The following LRP1B variants were observed in gnomAD, a reference collection of about 807,000 sequenced individuals.
LRP1B encodes the protein LDL receptor related protein 1B, also known as low-density lipoprotein receptor-related protein 1B.
LRP1B carries 217 observed loss-of-function variants against 556.6 expected under a neutral mutation model. The observed-to-expected ratio is 0.39, with a 90% CI of 0.35 to 0.44. The LOEUF (loss-of-function observed/expected upper bound fraction) is 0.44. Ranked by LOEUF, LRP1B falls within the 20% of genes least tolerant of loss-of-function variation. The pLI, the probability that LRP1B is intolerant of heterozygous loss-of-function variation, is 1.00. For missense variants in LRP1B, 5,053 were observed against 5,620.8 expected, an observed-to-expected ratio of 0.90 and a Z score of 3.23; for synonymous variants, 2,047 against 1,865.8, an observed-to-expected ratio of 1.10 and a Z score of -2.50.
At chr2:141,112,536 C>T (rs537111490) in intron 7 of LRP1B, among the ~76,000 whole-genome samples, 17 of 152,204 alleles carry the variant, frequency 1.1e-4, no homozygotes, top group Admixed American at 6.5e-4. Flanking sequence ...AGTTATAATG[C>T]TATCTGTACA....
intron 47 of LRP1B, among the ~76,000 whole-genome samples, chr2:140,529,792 A>G (rs1273033640): frequency 6.6e-6 from 1 of 151,932 alleles, no homozygotes; most frequent in Non-Finnish European, 1.5e-5. Flanking sequence ...CATATCATGC[A>G]CTCTTCCTGA....
chr2:141,851,766 C>T (rs924115330), intron 1 of LRP1B, among the ~76,000 whole-genome samples: 3 of 151,420 alleles, frequency 2.0e-5, no homozygotes, highest in Non-Finnish European at 3.0e-5. Flanking sequence ...AAGTGCTTTC[C>T]GCCACATGGA....
At chr2:141,687,403 T>C (rs1691352796) in intron 2 of LRP1B, among the ~76,000 whole-genome samples, 1 of 152,016 alleles carries the variant, frequency 6.6e-6, no homozygotes, top group South Asian at 2.1e-4. Flanking sequence ...GAATGAATGG[T>C]TCCAAAATTT....
chr2:142,049,518 A>G (rs543768247), intron 1 of LRP1B, among the ~76,000 whole-genome samples: 1 of 152,230 alleles, frequency 6.6e-6, no homozygotes, highest in Admixed American at 6.5e-5. Flanking sequence ...TTAACATGAA[A>G]GTATGTGCCA....
At chr2:140,537,647 A>C (rs995183469) in intron 45 of LRP1B, among the ~76,000 whole-genome samples, 2 of 152,104 alleles carry the variant, frequency 1.3e-5, no homozygotes, top group African/African-American at 2.4e-5. Context: ...AGTGGAAAGC[A>C]TGTGTACCTG....
intron 35 of LRP1B, among the ~76,000 whole-genome samples, chr2:140,757,281 G>A (rs1459427850): frequency 1.3e-5 from 2 of 152,098 alleles, no homozygotes; most frequent in Admixed American, 1.3e-4. Flanking sequence ...TACCATACCT[G>A]TCAAGTTCAC....
At chr2:140,339,843 A>T (rs1164237223) in intron 77 of LRP1B, among the ~76,000 whole-genome samples, 1 of 112,348 alleles carries the variant, frequency 8.9e-6, no homozygotes, top group East Asian at 4.3e-4. Context: ...GTACGCGATT[A>T]AAAAAAACTA....
At chr2:141,889,028 C>T (rs1281622867) in intron 1 of LRP1B, among the ~76,000 whole-genome samples, 3 of 151,978 alleles carry the variant, frequency 2.0e-5, no homozygotes, top group Non-Finnish European at 2.9e-5. Context: ...TTGGGGTACC[C>T]CAGAATAGAG....
At chr2:140,274,315 C>T (rs895567700) in intron 85 of LRP1B, 109 bp downstream of exon 85, 24 of 992,456 alleles carry the variant, frequency 2.4e-5, no homozygotes, top group African/African-American at 1.3e-4. Flanking sequence ...GGGCACAATA[C>T]GGAATTTTAG....
At chr2:140,330,417 T>C (rs1680747076) in intron 79 of LRP1B, among the ~76,000 whole-genome samples, 1 of 151,724 alleles carries the variant, frequency 6.6e-6, no homozygotes, top group African/African-American at 2.4e-5. Flanking sequence ...GAAATAAGAC[T>C]GCACATTTAC....
intron 3 of LRP1B, among the ~76,000 whole-genome samples, chr2:141,445,551 T>A (rs1252097190): frequency 6.6e-6 from 1 of 152,256 alleles, no homozygotes; most frequent in African/African-American, 2.4e-5. Flanking sequence ...CTTTCTCCTG[T>A]GGACATTTAG....
At chr2:140,817,730 TTC>T (rs1242516004) in intron 31 of LRP1B, among the ~76,000 whole-genome samples, 1 of 152,106 alleles carries the variant, frequency 6.6e-6, no homozygotes, top group East Asian at 1.9e-4. Context: ...CTCATTTGTT[TTC>T]TAAGTGGCTC....
chr2:141,748,751 G>T (rs563794578), intron 2 of LRP1B, among the ~76,000 whole-genome samples: 1 of 152,276 alleles, frequency 6.6e-6, no homozygotes, highest in Admixed American at 6.5e-5. Context: ...AAACACTCTG[G>T]CCTCTTCCAA....
intron 41 of LRP1B, among the ~76,000 whole-genome samples, chr2:140,607,457 C>A (rs542613867): frequency 1.5e-4 from 23 of 152,132 alleles, no homozygotes; most frequent in South Asian, 1.5e-3. Flanking sequence ...CACACATACA[C>A]AAATGTTCAA....
chr2:141,989,644 G>A (rs922337693), intron 1 of LRP1B, among the ~76,000 whole-genome samples: 2 of 151,940 alleles, frequency 1.3e-5, no homozygotes, highest in East Asian at 3.9e-4. Context: ...ACTGAATCAT[G>A]GGCGTGGTTT....
At position 142,130,801 on chromosome 2, in the gene LRP1B, C is replaced by T. The variant is rs528307274; in HGVS notation, c.-72G>A. ...ACCTTCGGCCCGGCGGCGGCGGCGG[C>T]GGCAGGGGCCGCTTGGAGCCTGGAA... On this transcript the variant is annotated 5_prime_UTR_variant, in exon 1 of 91. Coordinates refer to ENST00000389484, the MANE Select transcript of LRP1B (RefSeq NM_018557.3). 4.0e-6 allele frequency: 5 copies of T among 1,264,044 alleles called. No individual in the cohort carries two copies. The highest frequency in any genetic ancestry group is 3.8e-5 in the Admixed American group (2 of 52,736). The allele number at this position is 1,264,044 out of a possible 1,614,324, so 78.3% of individuals were successfully genotyped here.
chr2:140,252,442 G>C (rs982217671), intron 86 of LRP1B, among the ~76,000 whole-genome samples: 4 of 151,886 alleles, frequency 2.6e-5, no homozygotes, highest in Non-Finnish European at 4.4e-5. Context: ...ATTATACACT[G>C]TATAAAACGA....
chr2:140,623,542 C>A (rs992667027), intron 41 of LRP1B, among the ~76,000 whole-genome samples: 2 of 151,924 alleles, frequency 1.3e-5, no homozygotes, highest in Non-Finnish European at 2.9e-5. Context: ...TCAAAGTAAT[C>A]ATCTGAAAGA....
At chr2:141,369,834 A>G (rs554074874) in intron 3 of LRP1B, among the ~76,000 whole-genome samples, 46 of 152,232 alleles carry the variant, frequency 3.0e-4, no homozygotes, top group African/African-American at 1.1e-3. Context: ...CCATCATTCC[A>G]TACTCTGCTT....
Sources: gnomAD v4.1 joint callset for allele counts (sites outside exome capture counted in the v4.1 genomes callset) on GRCh38, gnomAD v4.1.1 for gene constraint, MANE v1.5 for transcripts, NCBI Gene and HGNC (gene_info 2026-07-23, HGNC 2026-07-21) for gene names.